Variants in ZNF549 observed in about 807,000 individuals in gnomAD.
ZNF549 encodes zinc finger protein 549.
Under a neutral mutation model 11.1 loss-of-function variants are expected in ZNF549, and 11 were observed. The ratio of observed to expected loss-of-function variants is 0.99; its 90% confidence interval spans 0.62 to 1.64. ZNF549 has a LOEUF of 1.64. Ranked by LOEUF, ZNF549 falls within the 40% of genes most tolerant of loss-of-function variation. The pLI, the probability that ZNF549 is intolerant of heterozygous loss-of-function variation, is 0.00. For synonymous variants in ZNF549, 266 were observed against 269.1 expected (o/e 0.99, Z 0.11); for missense variants, 748 against 765.1 (o/e 0.98, Z 0.26).
rs376303041 is a variant in ZNF549, at chr19:57,535,253, C to T, written c.182C>T (p.Ser61Leu). 23 of 1,613,780 alleles carry T rather than the reference C, an allele frequency of 1.4e-5. No individual in the cohort carries two copies. Among genetic ancestry groups the T allele is most frequent in the African/African-American group, 4.0e-5 (3 of 74,904 alleles). ...CATGATGTGATGCTGGAGAACTTTT[C>T]GCTTATGGCCTCAGTAGGTAAGATC... The part of the protein sequence containing the change: ...LYHDVMLENF[S>L]LMASVGCLHG... Residue 61 changes from serine (S) to leucine (L), a missense_variant, in exon 3 of 4, where the codon TCG becomes TTG. By Grantham distance (145) the Ser-to-Leu change is moderately radical (BLOSUM62 -2). Coordinates refer to ENST00000376233, the MANE Select transcript of ZNF549 (RefSeq NM_001199295.2).
At chr19:57,535,426 T>TG in intron 3 of ZNF549, 156 bp downstream of exon 3, 2 of 1,162,620 alleles carry the variant, frequency 1.7e-6, no homozygotes, top group Non-Finnish European at 2.4e-6. Context: ...TTGCCAGGCC[T>TG]GGGTTTTTTC....
Position 57,527,637 on chromosome 19 carries a change from G to T in ZNF549, c.33+31G>T, listed in dbSNP as rs774460101. 2.5e-6 allele frequency: 4 copies of T among 1,611,072 alleles called. No homozygotes were observed. The South Asian group carries it at 4.4e-5, about 18-fold the overall frequency. On this transcript the variant is annotated intron_variant, in intron 1 of 3. Transcript: ENST00000376233. ...AGCGGAGTCCTCGGATCCTCACCTG[G>T]GTCCTGAGGCCCCGGACTGGGGTCA...
At chr19:57,527,723 G>A in intron 1 of ZNF549, 117 bp downstream of exon 1, 2 of 1,293,372 alleles carry the variant, frequency 1.5e-6, no homozygotes, top group South Asian at 1.3e-5. Context: ...TCTGGGTGGG[G>A]TCCTCAGAGC....
intron 1 of ZNF549, among the ~76,000 whole-genome samples, chr19:57,529,306 C>G (rs1311633816): frequency 2.0e-5 from 3 of 152,108 alleles, no homozygotes; most frequent in African/African-American, 7.2e-5. Context: ...AGTACCCAAC[C>G]TATATATACT....
At chr19:57,528,719 A>ATTCT in intron 1 of ZNF549, among the ~76,000 whole-genome samples, 1 of 152,218 alleles carries the variant, frequency 6.6e-6, no homozygotes, top group Non-Finnish European at 1.5e-5. Flanking sequence ...AGCCAGAGAA[A>ATTCT]GGTCAGCCAG....
rs1193685864 is a variant in ZNF549, at chr19:57,538,405, C to T, written c.1401C>T (p.His467=). The T allele has an allele frequency of 1.2e-6, 2 of 1,614,046 alleles. No homozygotes were observed. The highest frequency in any genetic ancestry group is 1.7e-6 in the Non-Finnish European group (2 of 1,180,028). ...ACTACATGCGACACCAGAGAATTCA[C>T]ACTGGAGAAAGGGCTTATGAATGCA... ...SSDYMRHQRI[H]TGERAYECSD... The change falls in exon 4 of 4, where the codon CAC becomes CAT. Residue 467 remains histidine (H), a synonymous_variant. Coordinates refer to ENST00000376233, the MANE Select transcript of ZNF549 (RefSeq NM_001199295.2).
chr19:57,531,072 T>G lies in ZNF549; in HGVS notation c.36T>G (p.Ile12Met), dbSNP rs762828630. 5 of 1,598,230 alleles carry G rather than the reference T, an allele frequency of 3.1e-6. No individual in the cohort carries two copies. In the Admixed American group the frequency reaches 8.3e-5, roughly 27 times the overall value. ...TCATAGCCTCCCTCTTCCTACAGAT[T>G]CCCATGGTAACAGAAGAGTTTGTGA... ...AEAALVITPQ[I>M]PMVTEEFVKP... Residue 12 changes from isoleucine to methionine, a missense_variant and splice_region_variant, in exon 2 of 4, where the codon ATT (isoleucine) becomes ATG (methionine). Ile to Met is a conservative substitution (Grantham distance 10). Transcript: ENST00000376233.
chr19:57,529,329 A>G (rs1279068258), intron 1 of ZNF549, among the ~76,000 whole-genome samples: 1 of 152,220 alleles, frequency 6.6e-6, no homozygotes, highest in African/African-American at 2.4e-5. Context: ...GTTTCTTCCT[A>G]GACTACATAC....
rs2089945178 is a variant in ZNF549 at position 57,539,382 on chromosome 19, T to A, written c.*455T>A. On this transcript the variant is annotated 3_prime_UTR_variant, in exon 4 of 4. Coordinates refer to ENST00000376233, the MANE Select transcript of ZNF549 (RefSeq NM_001199295.2). ...TTTTTATGTGATTGCCATAGTGGGATATTCCCTCTCCCACATTACCCAAGA... is the reference window on the plus strand; with the variant it reads ...TTTTTATGTGATTGCCATAGTGGGAAATTCCCTCTCCCACATTACCCAAGA... 6.3e-6 allele frequency: 1 copy of A among 157,828 alleles called. No homozygotes were observed. Among genetic ancestry groups the A allele is most frequent in the Non-Finnish European group, 1.4e-5 (1 of 71,236 alleles). The allele number at this position is 157,828 out of a possible 1,614,324, so 9.8% of individuals were successfully genotyped here.
intron 3 of ZNF549, among the ~76,000 whole-genome samples, chr19:57,536,825 CG>C (rs771095257): frequency 1.3e-5 from 2 of 152,162 alleles, no homozygotes; most frequent in Non-Finnish European, 2.9e-5. Flanking sequence ...TGCAATGGCT[CG>C]TGCCTATAAT....
Position 57,540,731 on chromosome 19 carries a change from G to C in ZNF549, c.*1804G>C, listed in dbSNP as rs997120137. ...GCCAAGGTCGCGCCATTGCACTCCA[G>C]CCTGGGCGACAGAGTGACACTTCTC... On this transcript the variant is annotated 3_prime_UTR_variant, in exon 4 of 4. Coordinates refer to ENST00000376233, the MANE Select transcript of ZNF549 (RefSeq NM_001199295.2). 1 of 152,222 alleles carries C rather than the reference G, an allele frequency of 6.6e-6. No homozygotes were observed. The highest frequency in any genetic ancestry group is 2.4e-5 in the African/African-American group (1 of 41,424). 9.4% of individuals were successfully genotyped at this position (152,222 alleles called of 1,614,324 possible).
rs777303648 is a variant in ZNF549, at chr19:57,537,697, A to G, written c.693A>G (p.Lys231=). The stretch of plus-strand genomic sequence containing the variant: ...AATGTGAGCAAGTTTTCAATGAGAA[A>G]GTTCATGTTACTGAGCATCAGAGAG... ...RYKCEQVFNE[K]VHVTEHQRVH... is the part of the protein sequence containing the mutation. The change falls in exon 4 of 4, where the codon AAA becomes AAG. Residue 231 remains lysine (K), a synonymous_variant. Coordinates refer to ENST00000376233, the MANE Select transcript of ZNF549 (RefSeq NM_001199295.2). 3.7e-6 allele frequency: 6 copies of G among 1,614,190 alleles called. No homozygotes were observed. The highest frequency in any genetic ancestry group is 5.1e-6 in the Non-Finnish European group (6 of 1,180,034).
chr19:57,538,689 G>A lies in ZNF549; in HGVS notation c.1685G>A (p.Cys562Tyr). ...TGEKPCECSE[C>Y]GKCFRHRTSL... ...GAAAAGCCCTGTGAGTGCAGTGAATGTGGGAAATGCTTTAGACACCGCACC... is the reference window on the plus strand; with the variant it reads ...GAAAAGCCCTGTGAGTGCAGTGAATATGGGAAATGCTTTAGACACCGCACC... Residue 562 changes from cysteine (C) to tyrosine (Y), a missense_variant, in exon 4 of 4, where the codon TGT becomes TAT. Physicochemically the swap from Cys to Tyr is radical, Grantham distance 194. Transcript: ENST00000376233. The A allele has an allele frequency of 6.2e-7, 1 of 1,614,220 alleles. No individual in the cohort carries two copies. Among genetic ancestry groups the A allele is most frequent in the East Asian group, 2.2e-5 (1 of 44,882 alleles).
At position 57,538,787 on chromosome 19, in the gene ZNF549, A is replaced by C. The variant is rs769840461; in HGVS notation, c.1783A>C (p.Ile595Leu). Residue 595 changes from isoleucine to leucine, a missense_variant, in exon 4 of 4, where the codon ATC (isoleucine) becomes CTC (leucine). Ile to Leu is a conservative substitution (Grantham distance 5, BLOSUM62 2). Coordinates refer to ENST00000376233, the MANE Select transcript of ZNF549 (RefSeq NM_001199295.2). ...CTGCACTGCATGTGAGAAGGCCTTT[A>C]TCTATAAAAACAAACTTGTTGAGCA... ...YNCTACEKAF[I>L]YKNKLVEHQR... is the part of the protein sequence containing the mutation. 6.2e-7 allele frequency: 1 copy of C among 1,614,216 alleles called. No homozygotes were observed.
In ZNF549 at chr19:57,537,414, G is replaced by A; in HGVS notation, c.410G>A (p.Ser137Asn). 1 of 1,614,216 alleles carries A rather than the reference G, an allele frequency of 6.2e-7. No homozygotes were observed. The highest frequency in any genetic ancestry group is 8.5e-7 in the Non-Finnish European group (1 of 1,180,050). ...PWQKPYTSVASGKWFSFGSNL... is the reference protein window; with the variant it reads ...PWQKPYTSVANGKWFSFGSNL... Reference sequence around the variant, plus strand: ...CAGAAACCTTATACGTCTGTGGCCAGTGGGAAATGGTTTTCATTTGGTTCT... The same window carrying A: ...CAGAAACCTTATACGTCTGTGGCCAATGGGAAATGGTTTTCATTTGGTTCT... Residue 137 changes from serine to asparagine, a missense_variant, in exon 4 of 4, where the codon AGT (serine) becomes AAT (asparagine). Transcript: ENST00000376233.
In ZNF549 at chr19:57,537,546, T is replaced by C. The variant is rs1294423380; in HGVS notation, c.542T>C (p.Leu181Pro). ...NSCKIPLSDN[L>P]FPCKDVEKDF... ...TGCAAAATTCCTCTGTCAGACAATCTTTTCCCATGCAAAGATGTTGAGAAG... is the reference window on the plus strand; with the variant it reads ...TGCAAAATTCCTCTGTCAGACAATCCTTTCCCATGCAAAGATGTTGAGAAG... The change falls in exon 4 of 4, where the codon CTT (leucine) becomes CCT (proline). Residue 181 changes from leucine to proline, a missense_variant. Transcript: ENST00000376233. 6.2e-7 allele frequency: 1 copy of C among 1,614,174 alleles called. No individual in the cohort carries two copies. Among genetic ancestry groups the C allele is most frequent in the Non-Finnish European group, 8.5e-7 (1 of 1,180,020 alleles).
chr19:57,538,593 A>G lies in ZNF549; in HGVS notation c.1589A>G (p.Glu530Gly). 6.2e-7 allele frequency: 1 copy of G among 1,614,210 alleles called. No homozygotes were observed. Among genetic ancestry groups the G allele is most frequent in the Non-Finnish European group, 8.5e-7 (1 of 1,180,042 alleles). The change falls in exon 4 of 4, where the codon GAG becomes GGG. Residue 530 changes from glutamate to glycine, a missense_variant. Coordinates refer to ENST00000376233, the MANE Select transcript of ZNF549 (RefSeq NM_001199295.2). ...QRIHTREQLCECNECGKVFSH... is the reference protein window; with the variant it reads ...QRIHTREQLCGCNECGKVFSH... ...ATCCATACTAGAGAACAACTTTGTG[A>G]GTGCAATGAATGTGGAAAAGTCTTC...
In ZNF549 at chr19:57,527,464, G is replaced by A. The variant is rs1046104940; in HGVS notation, c.-110G>A. The A allele has an allele frequency of 2.2e-5, 32 of 1,473,390 alleles. No homozygotes were observed. The Middle Eastern group carries it at 6.9e-4, about 32-fold the overall frequency. The allele number at this position is 1,473,390 out of a possible 1,614,324, so 91.3% of individuals were successfully genotyped here. On this transcript the variant is annotated 5_prime_UTR_variant, in exon 1 of 4. Transcript: ENST00000376233. The stretch of plus-strand genomic sequence containing the variant: ...GTGGAGGTGGTGTCCGCCCGCAGAG[G>A]AGCTTGCCTGGTCTCGGTCTGAGCG...
In ZNF549 at chr19:57,539,040, A is replaced by G. The variant is rs2089942893; in HGVS notation, c.*113A>G. 4.1e-6 allele frequency: 5 copies of G among 1,223,706 alleles called. No individual in the cohort carries two copies. The Admixed American group carries it at 1.2e-4, about 29-fold the overall frequency. The allele number at this position is 1,223,706 out of a possible 1,614,324, so 75.8% of individuals were successfully genotyped here. ...TCATACATCTGCATATCACTAGTTG[A>G]AAGATTCACTACAAGGTCCAAGTAC... On this transcript the variant is annotated 3_prime_UTR_variant, in exon 4 of 4. Coordinates refer to ENST00000376233, the MANE Select transcript of ZNF549 (RefSeq NM_001199295.2).
Sources: gnomAD v4.1 joint callset for allele counts (sites outside exome capture counted in the v4.1 genomes callset) on GRCh38, gnomAD v4.1.1 for gene constraint, MANE v1.5 for transcripts, NCBI Gene and HGNC (gene_info 2026-07-23, HGNC 2026-07-21) for gene names.